The following NOS1 variants were observed in gnomAD, a reference collection of about 807,000 sequenced individuals.
The protein encoded by NOS1 is nitric oxide synthase 1.
NOS1 carries 51 observed loss-of-function variants against 164.5 expected under a neutral mutation model. That is an observed-to-expected ratio of 0.31 (90% CI 0.25 to 0.39). The LOEUF (loss-of-function observed/expected upper bound fraction) is 0.39. Ranked by LOEUF, NOS1 falls within the 10% of genes least tolerant of loss-of-function variation. NOS1 has a pLI of 1.00. For missense variants in NOS1, 1,362 were observed against 1,885.6 expected, an observed-to-expected ratio of 0.72 and a Z score of 5.14; for synonymous variants, 719 against 745.8, an observed-to-expected ratio of 0.96 and a Z score of 0.59.
chr12:117,244,553 CTTT>C (rs1199485124), intron 18 of NOS1, among the ~76,000 whole-genome samples: 2 of 152,154 alleles, frequency 1.3e-5, no homozygotes. Flanking sequence ...TCCTGATTTA[CTTT>C]TTAAGATAAA....
At chr12:117,277,916 C>A (rs1873318671) in intron 9 of NOS1, 43 bp downstream of exon 9, 1 of 1,540,470 alleles carries the variant, frequency 6.5e-7, no homozygotes, top group Non-Finnish European at 8.8e-7. Flanking sequence ...GGGCACTGGG[C>A]AAACCCACTC....
intron 8 of NOS1, 64 bp downstream of exon 8, chr12:117,280,661 A>G: frequency 8.2e-6 from 5 of 606,288 alleles, no homozygotes; most frequent in Non-Finnish European, 1.2e-5. Context: ...AGCCCGAAAA[A>G]GTCTGTGGTC....
intron 1 of NOS1, among the ~76,000 whole-genome samples, chr12:117,350,304 C>G (rs9658259): frequency 0.021 from 3,186 of 152,236 alleles, 116 homozygotes; most frequent in African/African-American, 0.073. Flanking sequence ...GACGTGCTCA[C>G]GGACAATGCA....
At position 117,253,731 on chromosome 12, in the gene NOS1, C is replaced by T. The variant is rs1286604625; in HGVS notation, c.2555G>A (p.Ser852Asn). 2.5e-6 allele frequency: 4 copies of T among 1,614,046 alleles called. No homozygotes were observed. Among genetic ancestry groups the T allele is most frequent in the Admixed American group, 1.7e-5 (1 of 60,006 alleles). Residue 852 changes from serine (S) to asparagine (N), a missense_variant, in exon 17 of 29, where the codon AGC (serine) becomes AAC (asparagine). Coordinates refer to ENST00000317775, the MANE Select transcript of NOS1 (RefSeq NM_000620.5). ...TTGGGAGTCAGAGTAGGAGGAGACG[C>T]TGTTGAATCGGACCTTGTAGCTCCT... is the stretch of plus-strand genomic sequence containing the variant. ...ERKSYKVRFNSVSSYSDSQKS... is the reference protein window; with the variant it reads ...ERKSYKVRFNNVSSYSDSQKS...
intron 1 of NOS1, among the ~76,000 whole-genome samples, chr12:117,360,796 T>A (rs908805249): frequency 6.6e-6 from 1 of 151,662 alleles, no homozygotes; most frequent in East Asian, 2.0e-4. Context: ...GGTACAACGG[T>A]CCCCAGGGAC....
intron 3 of NOS1, among the ~76,000 whole-genome samples, chr12:117,291,022 G>A (rs957832388): frequency 6.6e-6 from 1 of 152,086 alleles, no homozygotes; most frequent in Non-Finnish European, 1.5e-5. Context: ...AGATCAGCCT[G>A]GCCAACTTGG....
chr12:117,315,783 T>A (rs1446836100), intron 2 of NOS1, among the ~76,000 whole-genome samples: 1 of 152,246 alleles, frequency 6.6e-6, no homozygotes, highest in African/African-American at 2.4e-5. Flanking sequence ...ACACTCAGTT[T>A]ACTCATCTGT....
intron 3 of NOS1, among the ~76,000 whole-genome samples, chr12:117,310,161 G>A (rs549954185): frequency 2.6e-4 from 40 of 152,280 alleles, no homozygotes; most frequent in African/African-American, 9.6e-4. Flanking sequence ...TCCTGCCTCG[G>A]CCTTCCAAAG....
intron 16 of NOS1, among the ~76,000 whole-genome samples, chr12:117,255,082 C>A (rs1428927645): frequency 6.6e-6 from 1 of 151,814 alleles, no homozygotes; most frequent in Non-Finnish European, 1.5e-5. Context: ...TGCACATGTA[C>A]CCTAAAACTT....
intron 7 of NOS1, among the ~76,000 whole-genome samples, chr12:117,283,044 A>ATG: frequency 1.5e-5 from 1 of 66,636 alleles, no homozygotes. Flanking sequence ...CATTATATAT[A>ATG]TATATATATA....
chr12:117,261,285 G>A (rs1264988061), intron 13 of NOS1, among the ~76,000 whole-genome samples: 2 of 150,784 alleles, frequency 1.3e-5, no homozygotes, highest in Non-Finnish European at 2.9e-5. Context: ...CCAGGCTTAA[G>A]AACCTTGGTT....
In NOS1 at chr12:117,259,015, G is replaced by A; in HGVS notation, c.2472+11C>T. 3 of 1,592,618 alleles carry A rather than the reference G, an allele frequency of 1.9e-6. No individual in the cohort carries two copies. Among genetic ancestry groups the A allele is most frequent in the Non-Finnish European group, 2.6e-6 (3 of 1,160,356 alleles). ...GAACCACACTCTTGAACAGGTAAAA[G>A]CTCATCTCACCTCCCCATTCTCAGG... On this transcript the variant is annotated intron_variant, in intron 15 of 28. Transcript: ENST00000317775.
chr12:117,297,435 A>G (rs1433570861), intron 3 of NOS1, among the ~76,000 whole-genome samples: 1 of 151,838 alleles, frequency 6.6e-6, no homozygotes, highest in African/African-American at 2.4e-5. Context: ...CTTGTTGCCC[A>G]GGCTGGAGTG....
At chr12:117,235,261 C>T (rs1056597228) in intron 20 of NOS1, among the ~76,000 whole-genome samples, 1 of 152,140 alleles carries the variant, frequency 6.6e-6, no homozygotes, top group Non-Finnish European at 1.5e-5. Context: ...CAGTGAACTC[C>T]TCACTGCAAA....
chr12:117,313,556 A>G (rs1225757450), intron 2 of NOS1, among the ~76,000 whole-genome samples: 2 of 152,052 alleles, frequency 1.3e-5, no homozygotes, highest in Non-Finnish European at 2.9e-5. Flanking sequence ...TCGGCCTCTC[A>G]AAGTGCTGGG....
intron 1 of NOS1, among the ~76,000 whole-genome samples, chr12:117,360,960 C>T (rs1444132733): frequency 6.6e-6 from 1 of 152,186 alleles, no homozygotes; most frequent in Non-Finnish European, 1.5e-5. Context: ...ACCCCCGGAC[C>T]GGAGCCCCCG....
intron 2 of NOS1, among the ~76,000 whole-genome samples, chr12:117,322,149 C>T (rs1874973564): frequency 7.6e-6 from 1 of 132,362 alleles, no homozygotes; most frequent in Non-Finnish European, 1.6e-5. Flanking sequence ...TTTTTCCTTC[C>T]TTCCCTCCCT....
chr12:117,279,367 CA>C (rs1873442635), intron 8 of NOS1, among the ~76,000 whole-genome samples: 1 of 148,144 alleles, frequency 6.8e-6, no homozygotes, highest in African/African-American at 2.6e-5. Context: ...GACTCCATCT[CA>C]AAAAACAAAA....
chr12:117,222,350 G>A (rs542374930), intron 26 of NOS1, among the ~76,000 whole-genome samples: 1 of 152,196 alleles, frequency 6.6e-6, no homozygotes, highest in South Asian at 2.1e-4. Context: ...CTGCCTCCTG[G>A]GTTCAAGTGA....
Sources: gnomAD v4.1 joint callset for allele counts (sites outside exome capture counted in the v4.1 genomes callset) on GRCh38, gnomAD v4.1.1 for gene constraint, MANE v1.5 for transcripts, NCBI Gene and HGNC (gene_info 2026-07-23, HGNC 2026-07-21) for gene names.